The following SORCS1 variants were observed in gnomAD, a reference collection of about 807,000 sequenced individuals.
SORCS1 encodes VPS10 domain-containing receptor SorCS1.
Under a neutral mutation model 146.1 loss-of-function variants are expected in SORCS1, and 60 were observed. The ratio of observed to expected loss-of-function variants is 0.41; its 90% CI spans 0.33 to 0.51. The LOEUF is 0.51. SORCS1 is among the 20% of genes least tolerant of loss of function. SORCS1 has a pLI of 0.21. For missense variants in SORCS1, 1,352 were observed against 1,487.6 expected (o/e 0.91, Z 1.50); for synonymous variants, 637 against 584.0 (o/e 1.09, Z -1.31).
rs11461091 is a variant in SORCS1, at chr10:106,960,411, CT to C, written c.559-3832del. 1.9e-3 allele frequency among the ~76,000 whole-genome samples: 278 copies of C among 145,308 alleles called. No individual in the cohort carries two copies. Among genetic ancestry groups the C allele is most frequent in the African/African-American group, 4.0e-3 (159 of 39,872 alleles). Reference sequence around the variant, plus strand: ...CCATACGTTTTCTCTTTTTCTTTTTCTTTTTTTTTTTTGAGATGGAATCTCG... The same window carrying C: ...CCATACGTTTTCTCTTTTTCTTTTTCTTTTTTTTTTTGAGATGGAATCTCG... On this transcript the variant is annotated intron_variant, in intron 1 of 25. Transcript: ENST00000263054. The surrounding 1 kb of genome is among the most constrained non-coding windows in gnomAD (Gnocchi z 4.4).
chr10:106,853,590 C>T (rs1949672362), intron 2 of SORCS1, among the ~76,000 whole-genome samples: 1 of 151,844 alleles, frequency 6.6e-6, no homozygotes, highest in Non-Finnish European at 1.5e-5. Context: ...TAAATATACA[C>T]TTTCAACATT....
chr10:106,728,077 G>C (rs961638754), intron 6 of SORCS1, among the ~76,000 whole-genome samples: 31 of 152,010 alleles, frequency 2.0e-4, no homozygotes, highest in Admixed American at 2.0e-3. Context: ...CTGTCGCCAG[G>C]CTGGAGAGCA....
At chr10:106,592,944 C>G (rs1024230991) in intron 24 of SORCS1, among the ~76,000 whole-genome samples, 1 of 151,802 alleles carries the variant, frequency 6.6e-6, no homozygotes, top group Non-Finnish European at 1.5e-5. Context: ...TTGAGACCAG[C>G]CTGGGCAACA....
intron 1 of SORCS1, among the ~76,000 whole-genome samples, chr10:107,105,144 C>T (rs1270929288): frequency 2.0e-5 from 3 of 152,170 alleles, no homozygotes; most frequent in Non-Finnish European, 4.4e-5. Flanking sequence ...GTGTTTAGCA[C>T]TTAACATATC....
rs114982132 is a variant in SORCS1, at chr10:107,061,833, A to C, written c.558+102136T>G. 1.9e-3 allele frequency among the ~76,000 whole-genome samples: 288 copies of C among 152,302 alleles called. 1 individual carries two copies. Among genetic ancestry groups the C allele is most frequent in the African/African-American group, 6.5e-3 (272 of 41,560 alleles). On this transcript the variant is annotated intron_variant, in intron 1 of 25. Transcript: ENST00000263054. ...GAATGACTCATTAAAAACTGCAAATATGCTGATTACATGGCAATAGAGAAA... is the reference window on the plus strand; with the variant it reads ...GAATGACTCATTAAAAACTGCAAATCTGCTGATTACATGGCAATAGAGAAA...
intron 2 of SORCS1, among the ~76,000 whole-genome samples, chr10:106,867,519 G>C (rs533826428): frequency 6.6e-6 from 1 of 151,980 alleles, no homozygotes; most frequent in Non-Finnish European, 1.5e-5. Flanking sequence ...TCCTGACCTC[G>C]TGATCCGCCC....
In SORCS1 at chr10:106,951,234, G is replaced by A. The variant is rs183578633; in HGVS notation, c.626+5279C>T. On this transcript the variant is annotated intron_variant, in intron 2 of 25. Transcript: ENST00000263054. ...CCCCTCTAAAAAGGAACATCTGGCC[G>A]GGCACGGTGGTTAACGCCTGTAATC... is the stretch of plus-strand genomic sequence containing the variant. Among the ~76,000 whole-genome samples, 239 of 152,202 alleles carry A rather than the reference G, an allele frequency of 1.6e-3. 2 individuals are homozygous for A. The highest frequency in any genetic ancestry group is 3.6e-3 in the African/African-American group (150 of 41,510).
chr10:107,013,979 C>T (rs544382380), intron 1 of SORCS1, among the ~76,000 whole-genome samples: 7 of 152,168 alleles, frequency 4.6e-5, no homozygotes, highest in Admixed American at 1.3e-4. Flanking sequence ...GAGAAAAGGC[C>T]GGGCACAGTG....
chr10:107,032,315 C>A (rs1958693410), intron 1 of SORCS1, among the ~76,000 whole-genome samples: 1 of 152,178 alleles, frequency 6.6e-6, no homozygotes, highest in Non-Finnish European at 1.5e-5. Context: ...TGGCATGGAT[C>A]AAAAGCCTTG....
intron 1 of SORCS1, among the ~76,000 whole-genome samples, chr10:107,001,731 T>A (rs1336072876): frequency 6.6e-6 from 1 of 152,192 alleles, no homozygotes; most frequent in African/African-American, 2.4e-5. Flanking sequence ...CCTAAAGTGC[T>A]GGTATTACAG....
chr10:106,670,621 G>A (rs777074621), intron 16 of SORCS1, among the ~76,000 whole-genome samples: 4 of 151,600 alleles, frequency 2.6e-5, no homozygotes, highest in Non-Finnish European at 2.9e-5. Context: ...GAGCATAGAT[G>A]TTTGTTTGCT....
At chr10:106,853,920 T>C (rs1254586915) in intron 2 of SORCS1, among the ~76,000 whole-genome samples, 1 of 152,154 alleles carries the variant, frequency 6.6e-6, no homozygotes, top group East Asian at 1.9e-4. Flanking sequence ...GAAGAATGTG[T>C]AATCTGTTGG....
At chr10:107,022,720 T>C (rs983087516) in intron 1 of SORCS1, among the ~76,000 whole-genome samples, 1 of 152,242 alleles carries the variant, frequency 6.6e-6, no homozygotes, top group Non-Finnish European at 1.5e-5. Flanking sequence ...GTGGGTTAAC[T>C]GTGGTCTACA....
At chr10:106,988,463 C>T (rs964268287) in intron 1 of SORCS1, among the ~76,000 whole-genome samples, 2 of 151,986 alleles carry the variant, frequency 1.3e-5, no homozygotes, top group Admixed American at 1.3e-4. Context: ...GACGTCTTAG[C>T]GTCTGAAAAA....
intron 17 of SORCS1, chr10:106,667,454 G>C (rs1403097696): frequency 2.1e-6 from 1 of 484,414 alleles, no homozygotes; most frequent in East Asian, 3.1e-5. Context: ...TCATCATTGT[G>C]ATCTTCAATC....
intron 24 of SORCS1, among the ~76,000 whole-genome samples, chr10:106,596,897 G>GT (rs1237815696): frequency 2.0e-5 from 3 of 152,168 alleles, no homozygotes; most frequent in Non-Finnish European, 2.9e-5. Context: ...GGTCACCCAG[G>GT]TTGGAGTGCG....
At chr10:106,951,174 T>C (rs928581983) in intron 2 of SORCS1, among the ~76,000 whole-genome samples, 4 of 152,100 alleles carry the variant, frequency 2.6e-5, no homozygotes, top group Non-Finnish European at 5.9e-5. Context: ...GCAAGTGTAT[T>C]TCCCTCTCAC....
chr10:107,069,519 G>A (rs1962235253), intron 1 of SORCS1, among the ~76,000 whole-genome samples: 1 of 152,014 alleles, frequency 6.6e-6, no homozygotes, highest in Admixed American at 6.6e-5. Context: ...GGGATTACAG[G>A]CACCCACCAC....
At chr10:107,050,348 T>C (rs544213701) in intron 1 of SORCS1, among the ~76,000 whole-genome samples, 2 of 152,210 alleles carry the variant, frequency 1.3e-5, no homozygotes, top group South Asian at 2.1e-4. Flanking sequence ...AATGAATCAA[T>C]CAAAGAACAG....
Sources: allele counts gnomAD v4.1 joint callset (sites outside exome capture counted in the v4.1 genomes callset), GRCh38; gene constraint gnomAD v4.1.1; non-coding constraint Gnocchi (gnomAD v3.1); transcripts MANE v1.5; gene names NCBI Gene and HGNC (gene_info 2026-07-23, HGNC 2026-07-21).